The following MTRR variants were observed in gnomAD, a reference collection of about 807,000 sequenced individuals.
MTRR encodes the protein 5-methyltetrahydrofolate-homocysteine methyltransferase reductase.
A neutral mutation model predicts 79.2 loss-of-function variants in MTRR; 63 were observed. The ratio of observed to expected loss-of-function variants is 0.80; its 90% CI spans 0.65 to 0.98. The LOEUF (loss-of-function observed/expected upper bound fraction) is 0.98. Among genes scored for constraint, MTRR ranks in the 50% least tolerant of loss-of-function variants. MTRR has a pLI of 0.00. For missense variants in MTRR, 895 were observed against 839.6 expected (o/e 1.07, Z -0.82); for synonymous variants, 355 against 313.3 (o/e 1.13, Z -1.41).
intron 1 of MTRR, among the ~76,000 whole-genome samples, chr5:7,855,984 G>A (rs761804864): frequency 6.6e-6 from 1 of 152,196 alleles, no homozygotes; most frequent in Admixed American, 6.5e-5. Flanking sequence ...TAGAGACATC[G>A]AGTCAAACAT....
At chr5:7,855,946 G>A (rs1746233672) in intron 1 of MTRR, among the ~76,000 whole-genome samples, 1 of 152,180 alleles carries the variant, frequency 6.6e-6, no homozygotes, top group Non-Finnish European at 1.5e-5. Flanking sequence ...GACTCGTGCA[G>A]CAGGGGAGAC....
At chr5:7,868,403 A>C (rs1301272142), upstream of MTRR, among the ~76,000 whole-genome samples, 1 of 152,224 alleles carries the variant, frequency 6.6e-6, no homozygotes, top group Non-Finnish European at 1.5e-5. Context: ...GTTGAAGCAC[A>C]AAGTTACTTT....
intron 1 of MTRR, chr5:7,870,505 AAC>A (rs1747771170): frequency 2.3e-6 from 1 of 426,998 alleles, no homozygotes; most frequent in Non-Finnish European, 4.4e-6. Flanking sequence ...GCACTTAGGA[AAC>A]ACAGATTCAA....
chr5:7,896,324 G>A, intron 12 of MTRR: 1 of 181,592 alleles, frequency 5.5e-6, no homozygotes, highest in South Asian at 1.2e-4. Context: ...AAATAAAATT[G>A]TACTTCTGTT....
rs781748543 is a variant in MTRR at position 7,878,192 on chromosome 5, C to T, written c.650C>T (p.Ser217Phe). 6.2e-7 allele frequency: 1 copy of T among 1,614,192 alleles called. No individual in the cohort carries two copies. The highest frequency in any genetic ancestry group is 8.5e-7 in the Non-Finnish European group (1 of 1,180,050). Residue 217 changes from serine (S) to phenylalanine (F), a missense_variant, in exon 5 of 15, where the codon TCC becomes TTC. By Grantham distance (155) the Ser-to-Phe change is radical (BLOSUM62 -2). Transcript: ENST00000440940. ...CAAAATGCAGTGAACAGCAACCAATCCAATGTTGTAATTGAAGACTTTGAG... is the reference window on the plus strand; with the variant it reads ...CAAAATGCAGTGAACAGCAACCAATTCAATGTTGTAATTGAAGACTTTGAG... ...LKQNAVNSNQ[S>F]NVVIEDFESS...
chr5:7,876,014 C>T (rs1392215195), intron 4 of MTRR, among the ~76,000 whole-genome samples: 1 of 152,198 alleles, frequency 6.6e-6, no homozygotes, highest in Non-Finnish European at 1.5e-5. Flanking sequence ...ACTTACTTAG[C>T]CTTCAACTAT....
At chr5:7,872,558 T>C (rs1748173791) in intron 2 of MTRR, among the ~76,000 whole-genome samples, 1 of 152,244 alleles carries the variant, frequency 6.6e-6, no homozygotes, top group Non-Finnish European at 1.5e-5. Flanking sequence ...TGAGCGGTTC[T>C]TGATAGCCAG....
upstream of MTRR, chr5:7,869,136 G>A (rs1396651197): frequency 1.2e-6 from 2 of 1,613,410 alleles, no homozygotes; most frequent in Admixed American, 3.3e-5. Context: ...TACCGAGCAT[G>A]GGCGCTGCGT....
chr5:7,887,055 C>A (rs1166674449), intron 8 of MTRR, among the ~76,000 whole-genome samples: 2 of 152,148 alleles, frequency 1.3e-5, no homozygotes, highest in African/African-American at 4.8e-5. Context: ...TGTTACCCAG[C>A]TACACATTGC....
At chr5:7,855,457 C>T (rs1579515996) in intron 1 of MTRR, among the ~76,000 whole-genome samples, 1 of 147,870 alleles carries the variant, frequency 6.8e-6, no homozygotes, top group Non-Finnish European at 1.5e-5. Context: ...ATAGATGAAA[C>T]ATGATTGGAA....
intron 5 of MTRR, 28 bp from the exon 6 acceptor site, chr5:7,883,127 T>G (rs375954645): frequency 6.2e-7 from 1 of 1,614,118 alleles, no homozygotes; most frequent in African/African-American, 1.3e-5. Context: ...AAAATTGCAC[T>G]TACGTTTTGT....
chr5:7,876,774 A>G (rs143352758), intron 4 of MTRR, among the ~76,000 whole-genome samples: 2,433 of 152,300 alleles, frequency 0.016, 32 homozygotes, highest in Non-Finnish European at 0.024. Flanking sequence ...TAATCTATTT[A>G]CTGTGTAAGC....
chr5:7,877,262 TTAG>T (rs1304596315), intron 4 of MTRR, among the ~76,000 whole-genome samples: 2 of 152,244 alleles, frequency 1.3e-5, no homozygotes, highest in African/African-American at 4.8e-5. Context: ...TGATAATTTG[TTAG>T]TAGTAGGTGG....
rs1165519084 is a variant in MTRR, at chr5:7,890,732, C to T, written c.1328-640C>T. Reference sequence around the variant, plus strand: ...AAGTAACTGCTAAAAATAAAACATACCAAAACATAAAACATTTCAAAGTTT... The same window carrying T: ...AAGTAACTGCTAAAAATAAAACATATCAAAACATAAAACATTTCAAAGTTT... On this transcript the variant is annotated intron_variant, in intron 9 of 14. Transcript: ENST00000440940. 2.0e-5 allele frequency among the ~76,000 whole-genome samples: 3 copies of T among 151,954 alleles called. No individual in the cohort carries two copies. The East Asian group carries it at 5.8e-4, about 29-fold the overall frequency.
intron 2 of MTRR, chr5:7,862,815 C>A (rs1561096718): frequency 6.2e-7 from 1 of 1,606,936 alleles, no homozygotes; most frequent in Non-Finnish European, 8.5e-7. Flanking sequence ...ACTCCTTATA[C>A]TACTTACCTA....
intron 2 of MTRR, chr5:7,863,320 A>C (rs1348223830): frequency 1.1e-5 from 3 of 276,610 alleles, no homozygotes; most frequent in African/African-American, 2.3e-5. Flanking sequence ...ACAGTTCAAG[A>C]AACATTTTTA....
chr5:7,889,059 A>G, intron 8 of MTRR, 36 bp from the exon 9 acceptor site: 1 of 1,613,258 alleles, frequency 6.2e-7, no homozygotes, highest in South Asian at 1.1e-5. Context: ...CTACCCACAA[A>G]TTGTGTCACA....
chr5:7,896,329 T>A, intron 12 of MTRR: 1 of 181,514 alleles, frequency 5.5e-6, no homozygotes, highest in South Asian at 1.2e-4. Context: ...AAATTGTACT[T>A]CTGTTTATAT....
At position 7,869,257 on chromosome 5, in the gene MTRR, C is replaced by T. The variant is rs1031396430; in HGVS notation, c.-26+42C>T. ...CTACGGTTCCCGGATTCCGGCCGCT[C>T]GCCCTGCACTAATCTCCTGGGAGAG... On this transcript the variant is annotated intron_variant, in intron 1 of 14. Transcript: ENST00000440940. 22 of 1,597,148 alleles carry T rather than the reference C, an allele frequency of 1.4e-5. No homozygotes were observed. The African/African-American group carries it at 2.4e-4, about 18-fold the overall frequency.
Sources: gnomAD v4.1 joint callset for allele counts (sites outside exome capture counted in the v4.1 genomes callset) on GRCh38, gnomAD v4.1.1 for gene constraint, MANE v1.5 for transcripts, NCBI Gene and HGNC (gene_info 2026-07-23, HGNC 2026-07-21) for gene names.